Variants in CCDC50 observed in about 807,000 individuals in gnomAD.
The protein encoded by CCDC50 is coiled-coil domain-containing protein 50.
Under a neutral mutation model 70.2 loss-of-function variants are expected in CCDC50, and 54 were observed. The ratio of observed to expected loss-of-function variants is 0.77; its 90% CI spans 0.62 to 0.96. The LOEUF is 0.96. CCDC50 is among the 50% of genes least tolerant of loss of function. The probability of loss-of-function intolerance (pLI) is 0.00; values close to 1 mark genes in which losing one functional copy is unlikely to be tolerated. For synonymous variants in CCDC50, 216 were observed against 198.8 expected (o/e 1.09, Z -0.73); for missense variants, 558 against 578.7 (o/e 0.96, Z 0.37).
chr3:191,375,611 G>A (rs996488897), intron 6 of CCDC50, 22 bp downstream of exon 6: 18 of 1,608,436 alleles, frequency 1.1e-5, no homozygotes, highest in Non-Finnish European at 1.5e-5. Flanking sequence ...CAGTCTCGAT[G>A]GAAGTCCTGG....
intron 1 of CCDC50, among the ~76,000 whole-genome samples, chr3:191,347,863 A>G (rs989073477): frequency 1.4e-5 from 2 of 142,056 alleles, no homozygotes; most frequent in Non-Finnish European, 3.2e-5. Context: ...GAAAAATTCA[A>G]CATTTCGTGT....
chr3:191,381,102 C>G (rs1020178559), intron 9 of CCDC50, among the ~76,000 whole-genome samples, 170 bp downstream of exon 9: 1 of 152,104 alleles, frequency 6.6e-6, no homozygotes, highest in South Asian at 2.1e-4. Flanking sequence ...TGAAAAATCA[C>G]TGAATTTTGG....
chr3:191,338,893 G>A (rs940986386), intron 1 of CCDC50, among the ~76,000 whole-genome samples: 5 of 152,126 alleles, frequency 3.3e-5, no homozygotes, highest in African/African-American at 1.2e-4. Flanking sequence ...TTTTGTACAC[G>A]TTCCAGTAAA....
chr3:191,361,419 CA>C (rs1712483447), intron 4 of CCDC50, among the ~76,000 whole-genome samples: 1 of 152,172 alleles, frequency 6.6e-6, no homozygotes, highest in Non-Finnish European at 1.5e-5. Context: ...AATTACTCTG[CA>C]AACTTGGCTT....
intron 10 of CCDC50, among the ~76,000 whole-genome samples, chr3:191,383,192 G>A (rs900241640): frequency 6.6e-6 from 1 of 152,078 alleles, no homozygotes; most frequent in Non-Finnish European, 1.5e-5. Context: ...CCACACTGAT[G>A]TGTGCATGCC....
chr3:191,344,316 T>C (rs1479811883), intron 1 of CCDC50, among the ~76,000 whole-genome samples: 1 of 152,234 alleles, frequency 6.6e-6, no homozygotes, highest in Non-Finnish European at 1.5e-5. Context: ...ACTGTGATGA[T>C]GCAAACGTTC....
At chr3:191,358,802 G>A (rs1712383358) in intron 3 of CCDC50, among the ~76,000 whole-genome samples, 2 of 152,136 alleles carry the variant, frequency 1.3e-5, no homozygotes, top group Non-Finnish European at 2.9e-5. Context: ...TTTAATGTGG[G>A]TAGATTTAAC....
At chr3:191,364,790 G>T (rs966817595) in intron 4 of CCDC50, among the ~76,000 whole-genome samples, 1 of 151,350 alleles carries the variant, frequency 6.6e-6, no homozygotes, top group African/African-American at 2.4e-5. Context: ...TTTTTTTTTC[G>T]GTCTTTCTAG....
chr3:191,329,399 C>T lies in CCDC50; in HGVS notation c.-276C>T, dbSNP rs1207868212. The T allele has an allele frequency of 4.9e-6, 2 of 410,938 alleles. No homozygotes were observed. The highest frequency in any genetic ancestry group is 2.1e-5 in the African/African-American group (1 of 47,168). The allele number at this position is 410,938 out of a possible 1,614,324, so 25.5% of individuals were successfully genotyped here. Reference sequence around the variant, plus strand: ...GTACTGGACGGCCCCGGTCCATTTCCGGGCTCCGGATATTTGGTATCGATT... The same window carrying T: ...GTACTGGACGGCCCCGGTCCATTTCTGGGCTCCGGATATTTGGTATCGATT... On this transcript the variant is annotated 5_prime_UTR_variant, in exon 1 of 12. Transcript: ENST00000392455.
At chr3:191,355,738 G>T (rs968417069) in intron 1 of CCDC50, among the ~76,000 whole-genome samples, 3 of 152,170 alleles carry the variant, frequency 2.0e-5, no homozygotes, top group African/African-American at 7.2e-5. Context: ...TGATGAAAAA[G>T]AACAGGGCTT....
intron 5 of CCDC50, chr3:191,370,408 C>T (rs1712867103): frequency 3.6e-6 from 1 of 278,264 alleles, no homozygotes; most frequent in East Asian, 9.2e-5. Context: ...TGTTTGCCTT[C>T]CTGTATACAT....
intron 1 of CCDC50, among the ~76,000 whole-genome samples, chr3:191,340,467 A>T (rs1414421425): frequency 6.6e-6 from 1 of 152,236 alleles, no homozygotes; most frequent in East Asian, 1.9e-4. Context: ...TATGCCAAAA[A>T]GTTTTAATCT....
At chr3:191,331,658 A>G (rs1264048657) in intron 1 of CCDC50, among the ~76,000 whole-genome samples, 1 of 152,200 alleles carries the variant, frequency 6.6e-6, no homozygotes, top group African/African-American at 2.4e-5. Context: ...AAGATCATCA[A>G]AGGAAGTGAT....
At chr3:191,378,534 A>AT (rs1713195262) in intron 6 of CCDC50, among the ~76,000 whole-genome samples, 1 of 109,372 alleles carries the variant, frequency 9.1e-6, no homozygotes, top group African/African-American at 5.1e-5. Flanking sequence ...TGGGCTGCTT[A>AT]TTGAAGTATC....
intron 1 of CCDC50, among the ~76,000 whole-genome samples, chr3:191,339,417 T>C (rs902156749): frequency 6.6e-6 from 1 of 152,206 alleles, no homozygotes; most frequent in African/African-American, 2.4e-5. Context: ...AGGCAAGTGA[T>C]TCCTTTATAG....
intron 1 of CCDC50, among the ~76,000 whole-genome samples, chr3:191,343,690 T>G (rs1426978315): frequency 6.6e-6 from 1 of 152,196 alleles, no homozygotes; most frequent in Non-Finnish European, 1.5e-5. Context: ...TAGGAGAATG[T>G]TTCTTCAGTT....
Position 191,393,918 on chromosome 3 carries a change from G to A in CCDC50, c.*2158G>A, listed in dbSNP as rs1334326783. 1 of 152,036 alleles carries A rather than the reference G, an allele frequency of 6.6e-6. No individual in the cohort carries two copies. The highest frequency in any genetic ancestry group is 1.5e-5 in the Non-Finnish European group (1 of 67,988). 9.4% of individuals were successfully genotyped at this position (152,036 alleles called of 1,614,324 possible). Reference sequence around the variant, plus strand: ...ATTTGATAACTAGGCAAAATCATTTGCCATTTTTTATTTCATAAATATTTA... The same window carrying A: ...ATTTGATAACTAGGCAAAATCATTTACCATTTTTTATTTCATAAATATTTA... On this transcript the variant is annotated 3_prime_UTR_variant, in exon 12 of 12. Coordinates refer to ENST00000392455, the MANE Select transcript of CCDC50 (RefSeq NM_178335.3).
chr3:191,350,488 G>T lies in CCDC50; in HGVS notation c.50-6600G>T, dbSNP rs1391995876. ...GTATTAATCCAGGCATTTTTATGTG[G>T]ATGGAAGCTTTTAAAGATGAATCAT... On this transcript the variant is annotated intron_variant, in intron 1 of 11. Transcript: ENST00000392455. 2.1e-5 allele frequency among the ~76,000 whole-genome samples: 3 copies of T among 142,222 alleles called. 1 individual carries two copies. The highest frequency in any genetic ancestry group is 7.5e-5 in the African/African-American group (3 of 39,878). 93.3% of individuals were successfully genotyped at this position (142,222 alleles called of 152,430 possible).
chr3:191,378,428 T>G (rs1028370331), intron 6 of CCDC50, among the ~76,000 whole-genome samples: 3 of 152,066 alleles, frequency 2.0e-5, no homozygotes, highest in African/African-American at 7.2e-5. Flanking sequence ...TGGAGAAAAT[T>G]TGGTCTCTTG....
Sources: allele counts gnomAD v4.1 joint callset (sites outside exome capture counted in the v4.1 genomes callset), GRCh38; gene constraint gnomAD v4.1.1; transcripts MANE v1.5; gene names NCBI Gene and HGNC (gene_info 2026-07-23, HGNC 2026-07-21).